Variants in CYYR1 observed in about 807,000 individuals in gnomAD.
CYYR1 encodes cysteine and tyrosine-rich protein 1.
In CYYR1, 14 loss-of-function variants were observed where a neutral mutation model predicts 15.2. The observed-to-expected ratio is 0.92, with a 90% CI of 0.61 to 1.44. The LOEUF is 1.44. Ranked by LOEUF, CYYR1 falls within the 40% of genes most tolerant of loss-of-function variation. CYYR1 has a pLI of 0.00. For synonymous variants in CYYR1, 80 were observed against 77.4 expected (o/e 1.03, Z -0.18); for missense variants, 228 against 209.5 (o/e 1.09, Z -0.54).
chr21:26,475,650 T>C (rs1398233439), intron 3 of CYYR1, among the ~76,000 whole-genome samples: 2 of 152,160 alleles, frequency 1.3e-5, no homozygotes, highest in African/African-American at 4.8e-5. Context: ...CACCTCAGTT[T>C]TCTCTACCCA....
At chr21:26,545,605 T>C (rs1978914331) in intron 2 of CYYR1, among the ~76,000 whole-genome samples, 1 of 115,386 alleles carries the variant, frequency 8.7e-6, no homozygotes, top group South Asian at 3.2e-4. Context: ...AGACGGAGTC[T>C]CGCCCAGGCT....
chr21:26,545,617 G>A (rs1299532230), intron 2 of CYYR1, among the ~76,000 whole-genome samples: 1 of 138,728 alleles, frequency 7.2e-6, no homozygotes, highest in Non-Finnish European at 1.5e-5. Context: ...GCCCAGGCTG[G>A]AGTTCAGTGG....
intron 2 of CYYR1, among the ~76,000 whole-genome samples, chr21:26,486,051 GT>G (rs2065243883): frequency 6.6e-6 from 1 of 152,036 alleles, no homozygotes; most frequent in African/African-American, 2.4e-5. Context: ...GGTTGAACAT[GT>G]TTTCGAAAGC....
In CYYR1 at chr21:26,536,252, A is replaced by G. The variant is rs116760487; in HGVS notation, c.176+30014T>C. Among the ~76,000 whole-genome samples the G allele has an allele frequency of 3.5e-3, 540 of 152,324 alleles. 2 individuals carry two copies. Among genetic ancestry groups the G allele is most frequent in the African/African-American group, 0.012 (507 of 41,570 alleles). Reference sequence around the variant, plus strand: ...TGACACATGCGGATTACAATTTGACATGATATTTGGTGGAGACACAGAGCA... The same window carrying G: ...TGACACATGCGGATTACAATTTGACGTGATATTTGGTGGAGACACAGAGCA... On this transcript the variant is annotated intron_variant, in intron 2 of 3. Coordinates refer to ENST00000652641, the MANE Select transcript of CYYR1 (RefSeq NM_001320768.2).
chr21:26,540,194 G>A (rs912685904), intron 2 of CYYR1, among the ~76,000 whole-genome samples: 13 of 152,052 alleles, frequency 8.5e-5, no homozygotes, highest in Admixed American at 1.3e-4. Context: ...ACCCTACCAC[G>A]GATCACAACT....
intron 3 of CYYR1, among the ~76,000 whole-genome samples, chr21:26,474,403 C>T (rs1187293604): frequency 3.5e-5 from 5 of 141,094 alleles, no homozygotes; most frequent in South Asian, 2.2e-4. Context: ...AAGAATACAC[C>T]GTGCCTTTTT....
chr21:26,534,656 T>C (rs2123619697), intron 2 of CYYR1, among the ~76,000 whole-genome samples: 1 of 152,246 alleles, frequency 6.6e-6, no homozygotes, highest in Middle Eastern at 3.4e-3. Flanking sequence ...CCTCTTCCTA[T>C]ACCTACTGTC....
chr21:26,534,103 C>T (rs569214925), intron 2 of CYYR1, among the ~76,000 whole-genome samples: 5 of 152,112 alleles, frequency 3.3e-5, no homozygotes, highest in South Asian at 2.1e-4. Context: ...ATAATGGCCT[C>T]GCAAAAATAT....
chr21:26,538,775 C>T (rs1696707685), intron 2 of CYYR1, among the ~76,000 whole-genome samples: 1 of 152,122 alleles, frequency 6.6e-6, no homozygotes, highest in African/African-American at 2.4e-5. Context: ...GTGTCTAGTT[C>T]AGAAGTTCTT....
At chr21:26,505,813 A>G (rs541266512) in intron 2 of CYYR1, among the ~76,000 whole-genome samples, 3 of 150,774 alleles carry the variant, frequency 2.0e-5, no homozygotes, top group African/African-American at 4.9e-5. Context: ...TTAAAAAAAA[A>G]GGTTTTTAAT....
intron 2 of CYYR1, chr21:26,550,853 A>G (rs1228719916): frequency 6.6e-6 from 1 of 152,280 alleles, no homozygotes; most frequent in Non-Finnish European, 1.5e-5. Context: ...AGCTCAGATC[A>G]TTGATAAACG....
chr21:26,472,337 A>AT (rs368480987), intron 3 of CYYR1, among the ~76,000 whole-genome samples: 4,707 of 149,594 alleles, frequency 0.031, 239 homozygotes, highest in African/African-American at 0.11. Flanking sequence ...CTTTTTAATT[A>AT]TTTTTTTTTT....
intron 2 of CYYR1, among the ~76,000 whole-genome samples, chr21:26,501,831 G>A (rs150290805): frequency 5.9e-5 from 9 of 152,236 alleles, no homozygotes; most frequent in Non-Finnish European, 1.2e-4. Flanking sequence ...GTGCACTGAC[G>A]ATGAAGAACA....
intron 2 of CYYR1, chr21:26,551,745 A>G (rs919833994): frequency 4.9e-6 from 1 of 205,406 alleles, no homozygotes; most frequent in African/African-American, 2.4e-5. Flanking sequence ...GATGGAATCT[A>G]TTCCTGGTGA....
intron 3 of CYYR1, among the ~76,000 whole-genome samples, chr21:26,474,015 GGTTTTTTTTGTTGTTGT>G (rs2065068517): frequency 6.7e-6 from 1 of 150,052 alleles, no homozygotes; most frequent in Non-Finnish European, 1.5e-5. Flanking sequence ...ATGCCATGTT[GGTTTTTTTTGTTGTTGT>G]GTGTTTTTTG....
chr21:26,558,138 G>T (rs1198507497), intron 2 of CYYR1, among the ~76,000 whole-genome samples: 1 of 152,142 alleles, frequency 6.6e-6, no homozygotes, highest in Non-Finnish European at 1.5e-5. Flanking sequence ...TACAAGCGCA[G>T]AATTTCAGGC....
intron 2 of CYYR1, among the ~76,000 whole-genome samples, chr21:26,499,286 G>C (rs945276313): frequency 6.6e-6 from 1 of 152,156 alleles, no homozygotes; most frequent in South Asian, 2.1e-4. Flanking sequence ...ACACAGGGGC[G>C]ATGTGACAGA....
chr21:26,533,190 AT>A (rs1383631367), intron 2 of CYYR1, among the ~76,000 whole-genome samples: 1 of 148,972 alleles, frequency 6.7e-6, no homozygotes, highest in Non-Finnish European at 1.5e-5. Context: ...GTAAATACAT[AT>A]TTTTACTGTT....
intron 3 of CYYR1, among the ~76,000 whole-genome samples, chr21:26,475,193 C>T (rs1207843984): frequency 5.3e-5 from 8 of 152,126 alleles, no homozygotes; most frequent in Non-Finnish European, 1.2e-4. Flanking sequence ...TCTGAGATTC[C>T]TGTTTCATGC....
Sources: allele counts gnomAD v4.1 joint callset (sites outside exome capture counted in the v4.1 genomes callset), GRCh38; gene constraint gnomAD v4.1.1; transcripts MANE v1.5; gene names NCBI Gene and HGNC (gene_info 2026-07-23, HGNC 2026-07-21).